Variants in RELN observed in about 807,000 individuals in gnomAD.
The protein encoded by RELN is reelin.
A neutral mutation model predicts 427.6 loss-of-function variants in RELN; 108 were observed. The observed-to-expected ratio is 0.25, with a 90% confidence interval of 0.22 to 0.30. The LOEUF (loss-of-function observed/expected upper bound fraction) is 0.30, where lower values mean the gene tolerates loss of function less well. Among genes scored for constraint, RELN ranks in the 10% least tolerant of loss-of-function variants. The probability of loss-of-function intolerance (pLI) is 1.00; values close to 1 mark genes in which losing one functional copy is unlikely to be tolerated. For missense variants in RELN, 3,715 were observed against 4,302.8 expected, an observed-to-expected ratio of 0.86 and a Z score of 3.82; for synonymous variants, 1,524 against 1,513.4, an observed-to-expected ratio of 1.01 and a Z score of -0.16.
intron 62 of RELN, among the ~76,000 whole-genome samples, chr7:103,483,270 T>C (rs1253766215): frequency 6.6e-6 from 1 of 152,204 alleles, no homozygotes; most frequent in African/African-American, 2.4e-5. Flanking sequence ...TGCTAGAAGC[T>C]GGGCTTACAA....
intron 2 of RELN, among the ~76,000 whole-genome samples, chr7:103,906,500 C>G (rs1307579748): frequency 1.4e-4 from 21 of 151,570 alleles, no homozygotes; most frequent in Admixed American, 1.4e-3. Context: ...AAAATAGGAG[C>G]CTGGAAAGCT....
rs35127886 is a variant in RELN, at chr7:103,519,586, A to ATTTTTT, written c.7669-76_7669-71dup. On this transcript the variant is annotated intron_variant, in intron 48 of 64. Transcript: ENST00000428762. ...ATTGCAGATTATAGATTTTCTATGG[A>ATTTTTT]TTTTTTTTTTTTTTGAGACAGGGTC... is the stretch of plus-strand genomic sequence containing the variant. The ATTTTTT allele has an allele frequency of 3.0e-4, 301 of 988,968 alleles. No homozygotes were observed. In the African/African-American group the frequency reaches 4.2e-3, roughly 14 times the overall value. 61.3% of individuals were successfully genotyped at this position (988,968 alleles called of 1,614,324 possible).
At chr7:103,734,034 C>T (rs1790429183) in intron 6 of RELN, among the ~76,000 whole-genome samples, 1 of 152,136 alleles carries the variant, frequency 6.6e-6, no homozygotes, top group Admixed American at 6.6e-5. Flanking sequence ...ACTAGGATTT[C>T]ATTTGCGGGA....
intron 63 of RELN, among the ~76,000 whole-genome samples, chr7:103,482,559 C>T (rs1934359124): frequency 6.6e-6 from 1 of 152,176 alleles, no homozygotes; most frequent in Non-Finnish European, 1.5e-5. Context: ...TAAGGCAACC[C>T]AGATCTGCCT....
chr7:103,885,414 A>T (rs1334768140), intron 2 of RELN, among the ~76,000 whole-genome samples: 2 of 152,168 alleles, frequency 1.3e-5, no homozygotes, highest in Admixed American at 1.3e-4. Context: ...GCCATAAAAA[A>T]GGTTGAGTTC....
At chr7:103,844,282 C>T (rs1289077799) in intron 2 of RELN, among the ~76,000 whole-genome samples, 1 of 152,160 alleles carries the variant, frequency 6.6e-6, no homozygotes, top group African/African-American at 2.4e-5. Context: ...TGTCTTTTCT[C>T]TCTCTCCTCA....
chr7:103,531,953 C>T (rs180985741), intron 46 of RELN, among the ~76,000 whole-genome samples: 4 of 152,204 alleles, frequency 2.6e-5, no homozygotes, highest in Non-Finnish European at 4.4e-5. Flanking sequence ...TGGGTATATA[C>T]CCAAAGGAAC....
intron 1 of RELN, among the ~76,000 whole-genome samples, chr7:103,928,576 T>C (rs1383483020): frequency 5.3e-5 from 8 of 152,210 alleles, no homozygotes. Context: ...AGGCTATCCA[T>C]GGATGAAAAA....
intron 2 of RELN, among the ~76,000 whole-genome samples, chr7:103,884,633 G>A (rs1794682624): frequency 6.6e-6 from 1 of 152,166 alleles, no homozygotes. Context: ...GATATGAACA[G>A]ACACTTCTCA....
chr7:103,613,512 T>C (rs1208973339), intron 20 of RELN, among the ~76,000 whole-genome samples: 2 of 151,898 alleles, frequency 1.3e-5, no homozygotes, highest in East Asian at 3.9e-4. Flanking sequence ...ATAAAAATCA[T>C]AGTAAGCCAT....
At chr7:103,558,073 A>C in intron 36 of RELN, 24 bp from the exon 37 acceptor site, 1 of 1,237,376 alleles carries the variant, frequency 8.1e-7, no homozygotes, top group Non-Finnish European at 1.2e-6. Context: ...CATATACGTT[A>C]AGCAACTTTT....
At chr7:103,657,869 C>T (rs1833054792) in intron 12 of RELN, among the ~76,000 whole-genome samples, 1 of 151,998 alleles carries the variant, frequency 6.6e-6, no homozygotes. Context: ...AGGAAGATTT[C>T]AATAAAAACA....
chr7:103,918,757 C>T (rs1795544760), intron 1 of RELN, among the ~76,000 whole-genome samples: 2 of 151,988 alleles, frequency 1.3e-5, no homozygotes, highest in Non-Finnish European at 2.9e-5. Flanking sequence ...ATCAGATGAG[C>T]CCCACTTGGA....
chr7:103,526,069 G>A (rs915080548), intron 46 of RELN, among the ~76,000 whole-genome samples: 1 of 152,166 alleles, frequency 6.6e-6, no homozygotes, highest in Admixed American at 6.5e-5. Context: ...GCTGTGGAGG[G>A]GTGGTAATCT....
At chr7:103,955,399 T>C (rs915449121) in intron 1 of RELN, among the ~76,000 whole-genome samples, 10 of 152,220 alleles carry the variant, frequency 6.6e-5, no homozygotes, top group African/African-American at 2.4e-4. Flanking sequence ...AATCTTGTCC[T>C]AGTAGACCTT....
At chr7:103,978,750 A>C (rs1490727544) in intron 1 of RELN, among the ~76,000 whole-genome samples, 2 of 152,214 alleles carry the variant, frequency 1.3e-5, no homozygotes, top group Non-Finnish European at 2.9e-5. Flanking sequence ...GGAGTTCTCT[A>C]TGTTTAAAAT....
chr7:103,763,479 G>A (rs754352790), intron 4 of RELN, among the ~76,000 whole-genome samples: 4 of 152,082 alleles, frequency 2.6e-5, no homozygotes, highest in Non-Finnish European at 4.4e-5. Context: ...ATACAATATG[G>A]TAAACTAAAT....
chr7:103,988,044 C>T lies in RELN; in HGVS notation c.226+1087G>A, dbSNP rs982479043. Among the ~76,000 whole-genome samples the T allele has an allele frequency of 1.3e-5, 2 of 152,118 alleles. No individual in the cohort carries two copies. The highest frequency in any genetic ancestry group is 1.5e-5 in the Non-Finnish European group (1 of 68,036). ...ACCCCGTAGATTATCTCCCGCCATGCCAATGATTGTTAGCCTATTAGAGAT... is the reference window on the plus strand; with the variant it reads ...ACCCCGTAGATTATCTCCCGCCATGTCAATGATTGTTAGCCTATTAGAGAT... On this transcript the variant is annotated intron_variant, in intron 1 of 64. Coordinates refer to ENST00000428762, the MANE Select transcript of RELN (RefSeq NM_005045.4). The surrounding 1 kb of genome is among the most constrained non-coding windows in gnomAD (Gnocchi z 4.9).
chr7:103,478,553 TTTCTTA>T (rs1298385541), intron 63 of RELN, 159 bp from the exon 64 acceptor site: 4 of 664,662 alleles, frequency 6.0e-6, no homozygotes, highest in African/African-American at 5.4e-5. Flanking sequence ...AAAGAAGTTA[TTTCTTA>T]TTCTTCTATA....
Sources: allele counts gnomAD v4.1 joint callset (sites outside exome capture counted in the v4.1 genomes callset), GRCh38; gene constraint gnomAD v4.1.1; non-coding constraint Gnocchi (gnomAD v3.1); transcripts MANE v1.5; gene names NCBI Gene and HGNC (gene_info 2026-07-23, HGNC 2026-07-21).